Variants in UGGT2 observed in about 807,000 individuals in gnomAD.
UGGT2 encodes the protein UDP-glucose:glycoprotein glucosyltransferase 2.
UGGT2 carries 180 observed loss-of-function variants against 192.1 expected under a neutral mutation model. That is an observed-to-expected ratio of 0.94 (90% CI 0.83 to 1.06). UGGT2 has a LOEUF of 1.06. Among genes scored for constraint, UGGT2 ranks in the 50% least tolerant of loss-of-function variants. UGGT2 has a pLI of 0.00. For synonymous variants in UGGT2, 580 were observed against 591.0 expected (o/e 0.98, Z 0.27); for missense variants, 1,849 against 1,795.7 (o/e 1.03, Z -0.54).
intron 17 of UGGT2, among the ~76,000 whole-genome samples, chr13:95,933,233 G>GT (rs1323716349): frequency 1.3e-5 from 2 of 152,132 alleles, no homozygotes; most frequent in African/African-American, 4.8e-5. Flanking sequence ...TGGTTGGTAG[G>GT]TTTTTTATTA....
At chr13:95,892,062 C>CCTA (rs1189314258) in intron 24 of UGGT2, among the ~76,000 whole-genome samples, 2 of 152,124 alleles carry the variant, frequency 1.3e-5, no homozygotes, top group African/African-American at 2.4e-5. Context: ...ATTGTTGCTT[C>CCTA]CTGTAGTTAC....
intron 1 of UGGT2, among the ~76,000 whole-genome samples, chr13:96,050,442 A>T (rs1055951056): frequency 1.3e-5 from 2 of 152,216 alleles, no homozygotes; most frequent in African/African-American, 4.8e-5. Context: ...TGTCTAAAAC[A>T]CCAAAAGCAA....
In UGGT2 at chr13:95,867,230, G is replaced by A; in HGVS notation, c.3558+109C>T. On this transcript the variant is annotated intron_variant, in intron 30 of 38. Coordinates refer to ENST00000376747, the MANE Select transcript of UGGT2 (RefSeq NM_020121.4). ...CTGGAGTTCAAATATAACATTTTAG[G>A]TTGTAAAATTGTAAAGTTAATTGTA... The A allele has an allele frequency of 4.2e-6, 4 of 947,128 alleles. No homozygotes were observed. The South Asian group carries it at 6.8e-5, about 16-fold the overall frequency. The allele number at this position is 947,128 out of a possible 1,614,324, so 58.7% of individuals were successfully genotyped here.
chr13:95,890,854 T>G lies in UGGT2; in HGVS notation c.2958+8A>C, dbSNP rs780749250. 32 of 1,596,666 alleles carry G rather than the reference T, an allele frequency of 2.0e-5. No homozygotes were observed. The highest frequency in any genetic ancestry group is 1.2e-4 in the Admixed American group (7 of 56,256). On this transcript the variant is annotated splice_region_variant and intron_variant, in intron 25 of 38. Coordinates refer to ENST00000376747, the MANE Select transcript of UGGT2 (RefSeq NM_020121.4). ...CAAAAACATTTAGTCTAATTTATAT[T>G]ATCTTACAACCAACAACTGTGCCAT...
At chr13:95,966,021 A>G (rs2050568857) in intron 12 of UGGT2, among the ~76,000 whole-genome samples, 1 of 152,186 alleles carries the variant, frequency 6.6e-6, no homozygotes, top group South Asian at 2.1e-4. Context: ...CTACCATCCA[A>G]TCCAGCAATC....
In UGGT2 at chr13:95,934,930, C is replaced by T. The variant is rs567612062; in HGVS notation, c.1977+1994G>A. ...CATAGGTGTGGAAGTATTTGTTTTA[C>T]GAATCTGGGTGCTCCAGTGTTGGTG... On this transcript the variant is annotated intron_variant, in intron 17 of 38. Transcript: ENST00000376747. Among the ~76,000 whole-genome samples, 658 of 152,242 alleles carry T rather than the reference C, an allele frequency of 4.3e-3. 5 individuals are homozygous for T. The highest frequency in any genetic ancestry group is 6.8e-3 in the Non-Finnish European group (462 of 68,014).
At chr13:95,927,466 C>CTTTTTT (rs1566709199) in intron 17 of UGGT2, 130 bp from the exon 18 acceptor site, 1 of 569,650 alleles carries the variant, frequency 1.8e-6, no homozygotes, top group Non-Finnish European at 2.7e-6. Flanking sequence ...AATACATTTT[C>CTTTTTT]TTTCTTTTTT....
At chr13:95,892,249 A>G (rs555720110) in intron 24 of UGGT2, among the ~76,000 whole-genome samples, 1 of 152,220 alleles carries the variant, frequency 6.6e-6, no homozygotes, top group East Asian at 1.9e-4. Context: ...CATAGTCCCC[A>G]CCATCTGATT....
intron 1 of UGGT2, among the ~76,000 whole-genome samples, chr13:96,034,571 T>C (rs2052941544): frequency 6.6e-6 from 1 of 152,196 alleles, no homozygotes; most frequent in South Asian, 2.1e-4. Context: ...AGAGAAGAGC[T>C]GCAGCCCTTT....
At chr13:95,905,081 G>C (rs2048240868) in intron 20 of UGGT2, among the ~76,000 whole-genome samples, 1 of 151,926 alleles carries the variant, frequency 6.6e-6, no homozygotes, top group South Asian at 2.1e-4. Flanking sequence ...TTTTTTGGCT[G>C]CATAAATGTC....
chr13:95,909,935 T>A (rs2048432544), intron 20 of UGGT2, among the ~76,000 whole-genome samples: 1 of 151,780 alleles, frequency 6.6e-6, no homozygotes, highest in African/African-American at 2.4e-5. Context: ...GGGGACAATA[T>A]TCAACATTCT....
At chr13:96,039,859 T>C (rs2053116950) in intron 1 of UGGT2, among the ~76,000 whole-genome samples, 1 of 152,222 alleles carries the variant, frequency 6.6e-6, no homozygotes, top group Non-Finnish European at 1.5e-5. Context: ...TGTCTCTCAT[T>C]TCCTTCCAAG....
intron 5 of UGGT2, among the ~76,000 whole-genome samples, chr13:96,004,331 T>C (rs2051902673): frequency 6.6e-6 from 1 of 152,194 alleles, no homozygotes; most frequent in Non-Finnish European, 1.5e-5. Context: ...ATCTATCACC[T>C]CAAACATTTT....
intron 12 of UGGT2, among the ~76,000 whole-genome samples, chr13:95,968,794 G>A (rs751053499): frequency 3.9e-5 from 6 of 152,028 alleles, no homozygotes; most frequent in Non-Finnish European, 8.8e-5. Context: ...CCTAATACAT[G>A]TGCTATACCC....
intron 1 of UGGT2, among the ~76,000 whole-genome samples, chr13:96,049,900 C>G (rs1447954382): frequency 6.6e-6 from 1 of 152,184 alleles, no homozygotes; most frequent in African/African-American, 2.4e-5. Context: ...AACGGCCATA[C>G]TGCCCAAGGT....
chr13:95,904,662 A>C (rs1257662576), intron 20 of UGGT2, among the ~76,000 whole-genome samples: 3 of 152,016 alleles, frequency 2.0e-5, no homozygotes. Flanking sequence ...TCCATGGTGT[A>C]TATGTGCCAC....
At chr13:95,967,505 G>A (rs1174257485) in intron 12 of UGGT2, among the ~76,000 whole-genome samples, 6 of 132,272 alleles carry the variant, frequency 4.5e-5, no homozygotes, top group Admixed American at 2.5e-4. Flanking sequence ...ATGGAGTCTC[G>A]CTCTATCGCC....
intron 36 of UGGT2, among the ~76,000 whole-genome samples, chr13:95,846,906 T>C (rs1255796723): frequency 6.6e-6 from 1 of 152,144 alleles, no homozygotes; most frequent in Non-Finnish European, 1.5e-5. Context: ...TGCTGTCATG[T>C]CTCACATTTC....
chr13:95,995,553 A>G (rs2051591905), intron 7 of UGGT2, among the ~76,000 whole-genome samples: 2 of 152,140 alleles, frequency 1.3e-5, no homozygotes, highest in South Asian at 2.1e-4. Flanking sequence ...ATACTTTATC[A>G]ACTATTTTCC....
Sources: allele counts gnomAD v4.1 joint callset (sites outside exome capture counted in the v4.1 genomes callset), GRCh38; gene constraint gnomAD v4.1.1; transcripts MANE v1.5; gene names NCBI Gene and HGNC (gene_info 2026-07-23, HGNC 2026-07-21).